The following PGM2 variants were observed in gnomAD, a reference collection of about 807,000 sequenced individuals.
PGM2 encodes phosphopentomutase.
Under a neutral mutation model 74.6 loss-of-function variants are expected in PGM2, and 57 were observed. The observed-to-expected ratio is 0.76, with a 90% CI of 0.62 to 0.95. The LOEUF (loss-of-function observed/expected upper bound fraction) is 0.95. Among genes scored for constraint, PGM2 ranks in the 40% least tolerant of loss-of-function variants. The pLI is 0.00. For missense variants in PGM2, 706 were observed against 741.9 expected (o/e 0.95, Z 0.56); for synonymous variants, 273 against 260.7 (o/e 1.05, Z -0.46).
chr4:37,843,588 G>A (rs1049362237), intron 6 of PGM2, among the ~76,000 whole-genome samples: 2 of 151,052 alleles, frequency 1.3e-5, no homozygotes, highest in Admixed American at 1.3e-4. Flanking sequence ...CAAACAAAAA[G>A]TTTTATTTAT....
intron 1 of PGM2, 36 bp downstream of exon 1, chr4:37,826,849 G>A: frequency 7.3e-7 from 1 of 1,375,656 alleles, no homozygotes; most frequent in Non-Finnish European, 1.0e-6. Flanking sequence ...CGCCTGGAGC[G>A]GGGCCGGGTG....
At chr4:37,838,688 G>T (rs1464152924) in intron 4 of PGM2, among the ~76,000 whole-genome samples, 5 of 152,126 alleles carry the variant, frequency 3.3e-5, no homozygotes, top group Admixed American at 6.5e-5. Context: ...TGTAGTTCAG[G>T]TTTCATTGTT....
At chr4:37,840,328 G>A in intron 6 of PGM2, 69 bp downstream of exon 6, 1 of 892,484 alleles carries the variant, frequency 1.1e-6, no homozygotes, top group South Asian at 1.5e-5. Flanking sequence ...ATTAGTGTTT[G>A]TGAAGTTTTT....
chr4:37,828,360 T>A (rs79970574), intron 1 of PGM2, among the ~76,000 whole-genome samples: 18 of 152,034 alleles, frequency 1.2e-4, no homozygotes, highest in African/African-American at 2.2e-4. Context: ...TTTTTTTTTT[T>A]AATCACTTCT....
intron 12 of PGM2, among the ~76,000 whole-genome samples, chr4:37,854,220 A>G (rs1021728414): frequency 1.3e-5 from 2 of 152,014 alleles, no homozygotes; most frequent in African/African-American, 4.8e-5. Flanking sequence ...TATTCAAAGT[A>G]CCTCTATTTT....
In PGM2 at chr4:37,861,918, A is replaced by T. The variant is rs1339421318; in HGVS notation, c.*306A>T. 5 of 258,230 alleles carry T rather than the reference A, an allele frequency of 1.9e-5. No homozygotes were observed. The highest frequency in any genetic ancestry group is 1.1e-4 in the African/African-American group (5 of 46,144). 16.0% of individuals were successfully genotyped at this position (258,230 alleles called of 1,614,324 possible). A position where few individuals can be genotyped will look rare whatever the true frequency, so the allele number is the denominator to read the frequency against. On this transcript the variant is annotated 3_prime_UTR_variant, in exon 14 of 14. Coordinates refer to ENST00000381967, the MANE Select transcript of PGM2 (RefSeq NM_018290.4). ...TAATTGATGTGCCTTAATTTGCATA[A>T]ATCATAAATGTATGTCCTCTCTGTA...
intron 12 of PGM2, among the ~76,000 whole-genome samples, chr4:37,853,359 CT>C (rs11358189): frequency 0.19 from 22,866 of 122,492 alleles, 2,437 homozygotes; most frequent in African/African-American, 0.33. Flanking sequence ...GGTGATATTC[CT>C]TTTTTTTTTT....
At chr4:37,851,587 A>T (rs1321165188) in intron 12 of PGM2, among the ~76,000 whole-genome samples, 1 of 152,198 alleles carries the variant, frequency 6.6e-6, no homozygotes, top group Non-Finnish European at 1.5e-5. Context: ...TGCACACAGC[A>T]TATTTTTAAA....
In PGM2 at chr4:37,845,706, T is replaced by A; in HGVS notation, c.983T>A (p.Leu328His). 3 of 1,612,518 alleles carry A rather than the reference T, an allele frequency of 1.9e-6. No individual in the cohort carries two copies. Among genetic ancestry groups the A allele is most frequent in the Non-Finnish European group, 2.5e-6 (3 of 1,178,506 alleles). Residue 328 changes from leucine to histidine, a missense_variant, in exon 8 of 14, where the codon CTT becomes CAT. This residue lies in a region of PGM2 where 359 missense variants were observed against 371.1 expected (regional missense o/e 0.97). Coordinates refer to ENST00000381967, the MANE Select transcript of PGM2 (RefSeq NM_018290.4). ...GCTAACGACCCGGATGCTGATAGAC[T>A]TGCTGTGGCAGAAAAGCAAGACAGG... ...VLANDPDADR[L>H]AVAEKQDSGE...
At position 37,848,585 on chromosome 4, in the gene PGM2, A is replaced by T; in HGVS notation, c.1346A>T (p.Glu449Val). 1 of 1,613,756 alleles carries T rather than the reference A, an allele frequency of 6.2e-7. No homozygotes were observed. Among genetic ancestry groups the T allele is most frequent in the South Asian group, 1.1e-5 (1 of 91,082 alleles). Residue 449 changes from glutamate to valine, a missense_variant, in exon 11 of 14, where the codon GAG (glutamate) becomes GTG (valine). Around this residue, in one of 3 missense-constraint regions of PGM2, gnomAD observed 359 missense variants for 371.1 expected, o/e 0.97. Coordinates refer to ENST00000381967, the MANE Select transcript of PGM2 (RefSeq NM_018290.4). ...DGVSAAVISA[E>V]LASFLATKNL... The stretch of plus-strand genomic sequence containing the variant: ...GTCAGTGCCGCTGTCATAAGTGCAG[A>T]GTTGGCTAGCTTCCTAGCAACCAAG...
chr4:37,860,835 T>G (rs1211839143), intron 13 of PGM2, among the ~76,000 whole-genome samples: 3 of 152,204 alleles, frequency 2.0e-5, no homozygotes, highest in East Asian at 1.9e-4. Flanking sequence ...AAATGAGTGT[T>G]GCCCACAGCC....
intron 2 of PGM2, 22 bp downstream of exon 2, chr4:37,830,153 T>G: frequency 6.8e-7 from 1 of 1,471,510 alleles, no homozygotes; most frequent in South Asian, 1.4e-5. Flanking sequence ...TTTATAATTC[T>G]TAGTAACTCA....
Position 37,845,623 on chromosome 4 carries a change from T to C in PGM2, c.910-10T>C. 6.4e-7 allele frequency: 1 copy of C among 1,566,546 alleles called. No individual in the cohort carries two copies. On this transcript the variant is annotated splice_polypyrimidine_tract_variant and intron_variant, in intron 7 of 13. Transcript: ENST00000381967. ...ATTAAATAATCTTTTATTTTCATAT[T>C]CTTCTTCAGACTTTGTCTTTTGCTT...
chr4:37,845,725 A>G lies in PGM2; in HGVS notation c.1002A>G (p.Gln334=), dbSNP rs1725854236. The change falls in exon 8 of 14, where the codon CAA becomes CAG. Residue 334 remains glutamine (Q), a synonymous_variant. Transcript: ENST00000381967. ...DADRLAVAEK[Q]DSGEWRVFSG... is the part of the protein sequence containing the mutation. Reference sequence around the variant, plus strand: ...ATAGACTTGCTGTGGCAGAAAAGCAAGACAGGTAAAATTAATTGTGATTAC... The same window carrying G: ...ATAGACTTGCTGTGGCAGAAAAGCAGGACAGGTAAAATTAATTGTGATTAC... 1.3e-6 allele frequency: 2 copies of G among 1,595,134 alleles called. No homozygotes were observed. The highest frequency in any genetic ancestry group is 3.3e-5 in the Admixed American group (2 of 59,980).
intron 6 of PGM2, 127 bp from the exon 7 acceptor site, chr4:37,844,237 A>G: frequency 3.4e-6 from 2 of 596,786 alleles, no homozygotes; most frequent in Non-Finnish European, 6.0e-6. Context: ...GAGAGAATGG[A>G]TACGTTTTGT....
intron 6 of PGM2, among the ~76,000 whole-genome samples, chr4:37,841,158 T>TTGTGTGTGTGTG (rs34512739): frequency 0.033 from 3,365 of 101,414 alleles, 73 homozygotes; most frequent in African/African-American, 0.061. Flanking sequence ...ATAGGAATAT[T>TTGTGTGTGTGTG]TGTGTGTGTG....
chr4:37,828,477 T>G (rs1725354761), intron 1 of PGM2, among the ~76,000 whole-genome samples: 1 of 152,076 alleles, frequency 6.6e-6, no homozygotes, highest in Non-Finnish European at 1.5e-5. Context: ...ATTGCAGCCC[T>G]CTAGTCAGAC....
rs1471170236 is a variant in PGM2, at chr4:37,840,209, T to G, written c.669T>G (p.Ala223=). ...DSSPLLHNPS[A]SINNDYFEDL... ...GTCCACTTCTCCACAATCCGAGTGC[T>G]TCCATCAATAATGACTACTTTGAAG... The change falls in exon 6 of 14, where the codon GCT becomes GCG. Residue 223 remains alanine (A), a synonymous_variant. Coordinates refer to ENST00000381967, the MANE Select transcript of PGM2 (RefSeq NM_018290.4). The G allele has an allele frequency of 1.9e-6, 3 of 1,613,158 alleles. No individual in the cohort carries two copies. Among genetic ancestry groups the G allele is most frequent in the Non-Finnish European group, 2.5e-6 (3 of 1,179,092 alleles).
At chr4:37,844,077 G>A (rs1042113479) in intron 6 of PGM2, among the ~76,000 whole-genome samples, 2 of 152,086 alleles carry the variant, frequency 1.3e-5, no homozygotes, top group African/African-American at 2.4e-5. Context: ...AGTGAGTCTC[G>A]TGTGGGAACA....
Sources: gnomAD v4.1 joint callset for allele counts (sites outside exome capture counted in the v4.1 genomes callset) on GRCh38, gnomAD v4.1.1 for gene constraint, gnomAD v4.1.1 regional missense constraint, MANE v1.5 for transcripts, NCBI Gene and HGNC (gene_info 2026-07-23, HGNC 2026-07-21) for gene names.